The following NEURL4 variants were observed in gnomAD, a reference collection of about 807,000 sequenced individuals.
The protein encoded by NEURL4 is neuralized E3 ubiquitin protein ligase 4.
In NEURL4, 45 loss-of-function variants were observed where a neutral mutation model predicts 148.0. The ratio of observed to expected loss-of-function variants is 0.30; its 90% CI spans 0.24 to 0.39. The LOEUF (loss-of-function observed/expected upper bound fraction) is 0.39. Ranked by LOEUF, NEURL4 falls within the 10% of genes least tolerant of loss-of-function variation. NEURL4 has a pLI of 1.00. For synonymous variants in NEURL4, 854 were observed against 869.0 expected (o/e 0.98, Z 0.30); for missense variants, 1,776 against 2,144.0 (o/e 0.83, Z 3.39).
rs746557873 is a variant in NEURL4 at position 7,323,661 on chromosome 17, C to A, written c.2324G>T (p.Gly775Val). ...VIQKMVDRWS[G>V]SIEAGVTAIR... Reference sequence around the variant, plus strand: ...ACGGCCCTCACCAGCCTCAATGGAGCCTGACCAGCGGTCCACCATCTTCTG... The same window carrying A: ...ACGGCCCTCACCAGCCTCAATGGAGACTGACCAGCGGTCCACCATCTTCTG... The change falls in exon 13 of 29, where the codon GGC (glycine) becomes GTC (valine). Residue 775 changes from glycine to valine, a missense_variant. Transcript: ENST00000399464. The A allele has an allele frequency of 1.2e-6, 2 of 1,613,576 alleles. No homozygotes were observed. The highest frequency in any genetic ancestry group is 8.5e-7 in the Non-Finnish European group (1 of 1,179,744).
At position 7,320,747 on chromosome 17, in the gene NEURL4, G is replaced by C; in HGVS notation, c.3525+12C>G. The C allele has an allele frequency of 6.2e-7, 1 of 1,609,326 alleles. No individual in the cohort carries two copies. Among genetic ancestry groups the C allele is most frequent in the African/African-American group, 1.3e-5 (1 of 74,912 alleles). On this transcript the variant is annotated intron_variant, in intron 21 of 28. Transcript: ENST00000399464. Reference sequence around the variant, plus strand: ...GAGCGAGAGAAGCTGGGGATAGGGAGGGAGAACCCACCTGCACCAGCAGCT... The same window carrying C: ...GAGCGAGAGAAGCTGGGGATAGGGACGGAGAACCCACCTGCACCAGCAGCT...
chr17:7,323,655 A>G lies in NEURL4; in HGVS notation c.2330T>C (p.Ile777Thr), dbSNP rs757854011. ...ACACAGACGGCCCTCACCAGCCTCA[A>G]TGGAGCCTGACCAGCGGTCCACCAT... ...QKMVDRWSGS[I>T]EAGVTAIRPE... The change falls in exon 13 of 29, where the codon ATT becomes ACT. Residue 777 changes from isoleucine (I) to threonine (T), a missense_variant. By Grantham distance (89) the Ile-to-Thr change is moderately conservative. Transcript: ENST00000399464. 23 of 1,613,448 alleles carry G rather than the reference A, an allele frequency of 1.4e-5. No homozygotes were observed. The highest frequency in any genetic ancestry group is 2.2e-5 in the East Asian group (1 of 44,856).
rs764974405 is a variant in NEURL4, at chr17:7,322,732, C to G, written c.2725+3G>C. 1 of 1,610,828 alleles carries G rather than the reference C, an allele frequency of 6.2e-7. No individual in the cohort carries two copies. Among genetic ancestry groups the G allele is most frequent in the African/African-American group, 1.3e-5 (1 of 74,876 alleles). On this transcript the variant is annotated splice_donor_region_variant and intron_variant, in intron 16 of 28. Coordinates refer to ENST00000399464, the MANE Select transcript of NEURL4 (RefSeq NM_032442.3). The surrounding 1 kb of genome is among the most constrained non-coding windows in gnomAD (Gnocchi z 5.5). Reference sequence around the variant, plus strand: ...CCGTCCAGCCCCCGCCCTGCTGCCGCACCTGGGGAGTGCAGTGGGAAGGAC... The same window carrying G: ...CCGTCCAGCCCCCGCCCTGCTGCCGGACCTGGGGAGTGCAGTGGGAAGGAC...
chr17:7,317,814 G>C lies in NEURL4; in HGVS notation c.4179C>G (p.Pro1393=). ...RGEPPREYAL[P]FGWCRFNLRV... ...TGAGGTTGAACCTGCACCAGCCAAAGGGCAGTGCATATTCCCGGGGAGGCT... is the reference window on the plus strand; with the variant it reads ...TGAGGTTGAACCTGCACCAGCCAAACGGCAGTGCATATTCCCGGGGAGGCT... The change falls in exon 26 of 29, where the codon CCC becomes CCG. Residue 1393 remains proline, a synonymous_variant. Coordinates refer to ENST00000399464, the MANE Select transcript of NEURL4 (RefSeq NM_032442.3). 1.9e-6 allele frequency: 3 copies of C among 1,613,922 alleles called. No individual in the cohort carries two copies. Among genetic ancestry groups the C allele is most frequent in the African/African-American group, 1.3e-5 (1 of 75,064 alleles).
At position 7,324,860 on chromosome 17, in the gene NEURL4, A is replaced by C. The variant is rs1478569481; in HGVS notation, c.1752T>G (p.Gly584=). 1 of 1,614,116 alleles carries C rather than the reference A, an allele frequency of 6.2e-7. No individual in the cohort carries two copies. The highest frequency in any genetic ancestry group is 1.6e-4 in the Middle Eastern group (1 of 6,062). Residue 584 remains glycine, a synonymous_variant, in exon 9 of 29, where the codon GGT becomes GGG. Transcript: ENST00000399464. The surrounding 1 kb of genome is among the most constrained non-coding windows in gnomAD (Gnocchi z 5.9). The part of the protein sequence containing the change: ...VDKWAGSIEI[G]VTTHNPAYLQ... ...GGTAGGCAGGGTTGTGGGTGGTGAC[A>C]CCAATTTCAATGGAGCCAGCCCATT...
At position 7,327,804 on chromosome 17, in the gene NEURL4, C is replaced by T. The variant is rs1009795189; in HGVS notation, c.363G>A (p.Thr121=). The change falls in exon 2 of 29, where the codon ACG becomes ACA. Residue 121 remains threonine, a synonymous_variant. Transcript: ENST00000399464. This position sits in a 1 kb window ranked among gnomAD's most constrained non-coding sequence, Gnocchi z 6.6. ...PSVLDFPSSA[T]GLKGGSWVVS... ...CTACCCACGAGCCCCCCTTCAGGCC[C>T]GTGGCACTGCTTGGAAAGTCCAGCA... 2.5e-5 allele frequency: 40 copies of T among 1,613,822 alleles called. 1 individual carries two copies. The Admixed American group carries it at 3.7e-4, about 15-fold the overall frequency.
chr17:7,324,636 C>T lies in NEURL4; in HGVS notation c.1814-156G>A, dbSNP rs866194695. Among the ~76,000 whole-genome samples the T allele has an allele frequency of 1.1e-4, 17 of 152,226 alleles. No individual in the cohort carries two copies. Among genetic ancestry groups the T allele is most frequent in the African/African-American group, 3.9e-4 (16 of 41,458 alleles). On this transcript the variant is annotated intron_variant, in intron 9 of 28. Coordinates refer to ENST00000399464, the MANE Select transcript of NEURL4 (RefSeq NM_032442.3). This position sits in a 1 kb window ranked among gnomAD's most constrained non-coding sequence, Gnocchi z 5.9. ...TGAGCAGGACAAGAAAACTCTGCAG[C>T]TTCCAAGACAGCCACAGCCCTGCCC...
rs1182465105 is a variant in NEURL4 at position 7,327,025 on chromosome 17, G to A, written c.794-16C>T. On this transcript the variant is annotated splice_polypyrimidine_tract_variant and intron_variant, in intron 3 of 28. Coordinates refer to ENST00000399464, the MANE Select transcript of NEURL4 (RefSeq NM_032442.3). The surrounding 1 kb of genome is among the most constrained non-coding windows in gnomAD (Gnocchi z 6.6). ...TTGGCAAAGTCTATAGCAGCAGGAT[G>A]GAAGAAGGAAGCTCGGAAGTTGGGA... The A allele has an allele frequency of 6.2e-7, 1 of 1,607,708 alleles. No individual in the cohort carries two copies. Among genetic ancestry groups the A allele is most frequent in the Non-Finnish European group, 8.5e-7 (1 of 1,179,882 alleles).
chr17:7,323,519 T>C lies in NEURL4; in HGVS notation c.2383A>G (p.Met795Val). 1 of 1,614,224 alleles carries C rather than the reference T, an allele frequency of 6.2e-7. No individual in the cohort carries two copies. The highest frequency in any genetic ancestry group is 8.5e-7 in the Non-Finnish European group (1 of 1,180,042). The stretch of plus-strand genomic sequence containing the variant: ...CATGTGTCATAGTCAATGTCTGTCA[T>C]GGTGTTGGGGAATTCCAGGTCTTCA... Reference protein sequence around the residue: ...RPEDLEFPNTMTDIDYDTWML... With the variant: ...RPEDLEFPNTVTDIDYDTWML... Residue 795 changes from methionine to valine, a missense_variant, in exon 14 of 29, where the codon ATG (methionine) becomes GTG (valine). By Grantham distance (21) the Met-to-Val change is conservative. Transcript: ENST00000399464.
rs1297744523 is a variant in NEURL4, at chr17:7,321,473, A to G, written c.3100-14T>C. On this transcript the variant is annotated splice_polypyrimidine_tract_variant and intron_variant, in intron 18 of 28. Coordinates refer to ENST00000399464, the MANE Select transcript of NEURL4 (RefSeq NM_032442.3). The surrounding 1 kb of genome is among the most constrained non-coding windows in gnomAD (Gnocchi z 6.3). ...ACGGCTCCCCACCTAGGACCGAGGT[A>G]GGACAAGGACGGACGATGTTCAGCC... The G allele has an allele frequency of 6.2e-7, 1 of 1,613,580 alleles. No individual in the cohort carries two copies. Among genetic ancestry groups the G allele is most frequent in the South Asian group, 1.1e-5 (1 of 91,036 alleles).
chr17:7,321,053 T>C lies in NEURL4; in HGVS notation c.3360+59A>G, dbSNP rs2073025661. Reference sequence around the variant, plus strand: ...CAGAGAACCCAGAAAAGGCCTGGCATCCAACGGCCCAGCAACTGCCCATCC... The same window carrying C: ...CAGAGAACCCAGAAAAGGCCTGGCACCCAACGGCCCAGCAACTGCCCATCC... On this transcript the variant is annotated intron_variant, in intron 20 of 28. Transcript: ENST00000399464. The surrounding 1 kb of genome is among the most constrained non-coding windows in gnomAD (Gnocchi z 6.3). The C allele has an allele frequency of 1.9e-6, 3 of 1,597,582 alleles. No individual in the cohort carries two copies. Among genetic ancestry groups the C allele is most frequent in the Non-Finnish European group, 2.6e-6 (3 of 1,169,808 alleles).
chr17:7,325,147 C>CCA, intron 8 of NEURL4, 62 bp downstream of exon 8: 1 of 426,898 alleles, frequency 2.3e-6, no homozygotes, highest in Non-Finnish European at 4.2e-6. Flanking sequence ...ACTTCCTTGC[C>CCA]CCGCCCCCCC....
chr17:7,323,808 A>C lies in NEURL4; in HGVS notation c.2261+6T>G, dbSNP rs755901580. 6.2e-7 allele frequency: 1 copy of C among 1,614,104 alleles called. No individual in the cohort carries two copies. Among genetic ancestry groups the C allele is most frequent in the Non-Finnish European group, 8.5e-7 (1 of 1,180,028 alleles). ...AAGGTGGGGACATGAAAGTTGAGAG[A>C]CTGACCGGTTGGAGATGACGATGGC... On this transcript the variant is annotated splice_donor_region_variant and intron_variant, in intron 12 of 28. Transcript: ENST00000399464.
intron 1 of NEURL4, among the ~76,000 whole-genome samples, chr17:7,328,737 T>A (rs575952670): frequency 6.6e-6 from 1 of 152,300 alleles, no homozygotes; most frequent in Admixed American, 6.5e-5. Context: ...CATCTCTCCA[T>A]CCTCCATGCC....
In NEURL4 at chr17:7,326,942, G is replaced by A. The variant is rs1331000486; in HGVS notation, c.861C>T (p.Leu287=). 1 of 1,613,834 alleles carries A rather than the reference G, an allele frequency of 6.2e-7. No homozygotes were observed. The highest frequency in any genetic ancestry group is 1.1e-5 in the South Asian group (1 of 91,074). ...NTILSAYNGG[L]LNVNLSSPPA... Reference sequence around the variant, plus strand: ...GTGGGGAGCTCAGGTTCACATTCAGGAGCCCTCCATTGTAGGCAGACAGGA... The same window carrying A: ...GTGGGGAGCTCAGGTTCACATTCAGAAGCCCTCCATTGTAGGCAGACAGGA... The change falls in exon 4 of 29, where the codon CTC becomes CTT. Residue 287 remains leucine (L), a synonymous_variant. Transcript: ENST00000399464. The surrounding 1 kb of genome is among the most constrained non-coding windows in gnomAD (Gnocchi z 6.0).
At position 7,321,418 on chromosome 17, in the gene NEURL4, C is replaced by T. The variant is rs755048701; in HGVS notation, c.3141G>A (p.Thr1047=). The T allele has an allele frequency of 5.6e-5, 90 of 1,614,040 alleles. No individual in the cohort carries two copies. Among genetic ancestry groups the T allele is most frequent in the Non-Finnish European group, 7.2e-5 (85 of 1,180,038 alleles). The part of the protein sequence containing the change: ...RVGVRRGADD[T]MHILVDGEDM... Reference sequence around the variant, plus strand: ...CCTCTCCATCCACCAGGATGTGCATCGTGTCATCTGCCCCCCGACGAACAC... The same window carrying T: ...CCTCTCCATCCACCAGGATGTGCATTGTGTCATCTGCCCCCCGACGAACAC... The change falls in exon 19 of 29, where the codon ACG becomes ACA. Residue 1047 remains threonine, a synonymous_variant. Coordinates refer to ENST00000399464, the MANE Select transcript of NEURL4 (RefSeq NM_032442.3). The surrounding 1 kb of genome is among the most constrained non-coding windows in gnomAD (Gnocchi z 6.3).
chr17:7,318,178 G>A lies in NEURL4; in HGVS notation c.3953-6C>T, dbSNP rs756509532. The A allele has an allele frequency of 1.2e-6, 2 of 1,613,552 alleles. No individual in the cohort carries two copies. The highest frequency in any genetic ancestry group is 1.7e-6 in the Non-Finnish European group (2 of 1,179,436). ...GCACACACTCTCTTTGATACCTGAGGGAGCAGAGGGGCACAGGTCACAGGA... is the reference window on the plus strand; with the variant it reads ...GCACACACTCTCTTTGATACCTGAGAGAGCAGAGGGGCACAGGTCACAGGA... On this transcript the variant is annotated splice_region_variant and splice_polypyrimidine_tract_variant and intron_variant, in intron 24 of 28. Transcript: ENST00000399464. This position sits in a 1 kb window ranked among gnomAD's most constrained non-coding sequence, Gnocchi z 4.3.
Position 7,326,706 on chromosome 17 carries a change from C to T in NEURL4, c.1092+5G>A, listed in dbSNP as rs754778439. ...GCGCCAACCAGACCACAGGACTTTG[C>T]ACACCTCAAACATCTCATTGTCCCG... On this transcript the variant is annotated splice_donor_5th_base_variant and intron_variant, in intron 4 of 28. Coordinates refer to ENST00000399464, the MANE Select transcript of NEURL4 (RefSeq NM_032442.3). This position sits in a 1 kb window ranked among gnomAD's most constrained non-coding sequence, Gnocchi z 6.0. 6.2e-7 allele frequency: 1 copy of T among 1,609,260 alleles called. No homozygotes were observed.
In NEURL4 at chr17:7,321,106, T is replaced by A; in HGVS notation, c.3360+6A>T. ...GTGCACAGCAGACCATGCTGCAGCC[T>A]CTTACTCCCAGGCCATGCTCCTCGC... On this transcript the variant is annotated splice_donor_region_variant and intron_variant, in intron 20 of 28. Transcript: ENST00000399464. The surrounding 1 kb of genome is among the most constrained non-coding windows in gnomAD (Gnocchi z 6.3). 6.2e-7 allele frequency: 1 copy of A among 1,613,110 alleles called. No individual in the cohort carries two copies. Among genetic ancestry groups the A allele is most frequent in the Admixed American group, 1.7e-5 (1 of 60,006 alleles).
Sources: allele counts gnomAD v4.1 joint callset (sites outside exome capture counted in the v4.1 genomes callset), GRCh38; gene constraint gnomAD v4.1.1; non-coding constraint Gnocchi (gnomAD v3.1); transcripts MANE v1.5; gene names NCBI Gene and HGNC (gene_info 2026-07-23, HGNC 2026-07-21).